Variants in AGBL4 observed in about 807,000 individuals in gnomAD.
The protein encoded by AGBL4 is AGBL carboxypeptidase 4.
A neutral mutation model predicts 66.4 loss-of-function variants in AGBL4; 58 were observed. That is an observed-to-expected ratio of 0.87 (90% CI 0.71 to 1.09). AGBL4 has a LOEUF of 1.09. Among genes scored for constraint, AGBL4 ranks in the 50% least tolerant of loss-of-function variants. AGBL4 has a pLI of 0.00. For synonymous variants in AGBL4, 234 were observed against 222.9 expected, an observed-to-expected ratio of 1.05 and a Z score of -0.44; for missense variants, 579 against 631.0, an observed-to-expected ratio of 0.92 and a Z score of 0.88.
intron 5 of AGBL4, among the ~76,000 whole-genome samples, chr1:48,957,731 T>C (rs1657603365): frequency 6.6e-6 from 1 of 152,200 alleles, no homozygotes; most frequent in African/African-American, 2.4e-5. Flanking sequence ...TAGCTCTGGC[T>C]GATACAGCAT....
intron 4 of AGBL4, among the ~76,000 whole-genome samples, chr1:49,160,416 G>A (rs1175358665): frequency 1.3e-5 from 2 of 152,150 alleles, no homozygotes; most frequent in African/African-American, 2.4e-5. Context: ...AAATATTGCT[G>A]CCTGATCCTT....
chr1:49,856,975 C>A (rs780253220), intron 1 of AGBL4, among the ~76,000 whole-genome samples: 2 of 151,116 alleles, frequency 1.3e-5, no homozygotes, highest in African/African-American at 2.4e-5. Context: ...TTTAGAAAAA[C>A]CTAAAGCTTC....
intron 2 of AGBL4, among the ~76,000 whole-genome samples, chr1:49,711,716 T>C (rs1025749259): frequency 2.6e-5 from 4 of 152,054 alleles, no homozygotes; most frequent in Non-Finnish European, 5.9e-5. Flanking sequence ...AGTTTAATGT[T>C]GTTCAGTTAC....
intron 5 of AGBL4, among the ~76,000 whole-genome samples, chr1:48,985,717 T>C (rs1259229157): frequency 1.3e-5 from 2 of 152,090 alleles, no homozygotes; most frequent in Non-Finnish European, 2.9e-5. Flanking sequence ...CAGAAATGTC[T>C]ACCACTGAAC....
chr1:49,621,319 T>C (rs1034858261), intron 3 of AGBL4, among the ~76,000 whole-genome samples: 1 of 152,190 alleles, frequency 6.6e-6, no homozygotes, highest in Admixed American at 6.5e-5. Context: ...CCGGTTTCCA[T>C]TGGCTGGAAC....
chr1:49,453,539 T>C (rs1338240284), intron 3 of AGBL4, among the ~76,000 whole-genome samples: 5 of 151,700 alleles, frequency 3.3e-5, no homozygotes, highest in East Asian at 1.9e-4. Flanking sequence ...ATAAATACAA[T>C]AGAATCTTTC....
intron 3 of AGBL4, among the ~76,000 whole-genome samples, chr1:49,362,108 A>C (rs1299312313): frequency 6.6e-6 from 1 of 152,210 alleles, no homozygotes; most frequent in Admixed American, 6.5e-5. Flanking sequence ...TCCTGCATCC[A>C]GTCTATCACA....
chr1:49,946,173 T>C lies in AGBL4; in HGVS notation c.34+77590A>G, dbSNP rs12139567. Reference sequence around the variant, plus strand: ...CAAGACAGAAAGTCAACAACAACAATAAAAAAAATTTAAACTACACCCTGG... The same window carrying C: ...CAAGACAGAAAGTCAACAACAACAACAAAAAAAATTTAAACTACACCCTGG... On this transcript the variant is annotated intron_variant, in intron 1 of 13. Coordinates refer to ENST00000371839, the MANE Select transcript of AGBL4 (RefSeq NM_032785.4). Among the ~76,000 whole-genome samples, 887 of 150,992 alleles carry C rather than the reference T, an allele frequency of 5.9e-3. 4 individuals carry two copies. Among genetic ancestry groups the C allele is most frequent in the Middle Eastern group, 0.01 (3 of 292 alleles).
chr1:49,456,874 C>T (rs1464658536), intron 3 of AGBL4, among the ~76,000 whole-genome samples: 1 of 151,710 alleles, frequency 6.6e-6, no homozygotes, highest in Non-Finnish European at 1.5e-5. Context: ...GTCTCCAATT[C>T]CATCTGGTTT....
At chr1:49,654,502 C>G (rs1215989245) in intron 3 of AGBL4, among the ~76,000 whole-genome samples, 1 of 152,132 alleles carries the variant, frequency 6.6e-6, no homozygotes, top group Non-Finnish European at 1.5e-5. Context: ...TCTCGTTGAT[C>G]TGTCTAATGT....
chr1:48,795,284 C>T (rs1230269285), intron 6 of AGBL4, among the ~76,000 whole-genome samples: 1 of 152,140 alleles, frequency 6.6e-6, no homozygotes, highest in Non-Finnish European at 1.5e-5. Flanking sequence ...TAATCCTATA[C>T]AATCTCTACC....
At chr1:49,818,370 G>GT (rs11351923) in intron 2 of AGBL4, among the ~76,000 whole-genome samples, 4,076 of 137,160 alleles carry the variant, frequency 0.03, 129 homozygotes, top group African/African-American at 0.068. Flanking sequence ...TGTTTTTTTT[G>GT]TTTTTTTTTT....
chr1:49,294,031 C>T (rs1300314850), intron 3 of AGBL4, among the ~76,000 whole-genome samples: 1 of 152,106 alleles, frequency 6.6e-6, no homozygotes, highest in African/African-American at 2.4e-5. Context: ...AATAGAAATG[C>T]CAACAGCAGA....
chr1:48,700,573 T>A (rs1210926159), intron 6 of AGBL4, among the ~76,000 whole-genome samples: 1 of 152,208 alleles, frequency 6.6e-6, no homozygotes, highest in African/African-American at 2.4e-5. Context: ...TAGGAGGGCA[T>A]GTGTGGTCTC....
intron 5 of AGBL4, among the ~76,000 whole-genome samples, chr1:48,883,246 G>T (rs895128594): frequency 6.6e-6 from 1 of 152,128 alleles, no homozygotes; most frequent in African/African-American, 2.4e-5. Context: ...GTGTACAAGG[G>T]TTTCCTTTCC....
chr1:49,734,543 A>C (rs1280980634), intron 2 of AGBL4, among the ~76,000 whole-genome samples: 2 of 152,126 alleles, frequency 1.3e-5, no homozygotes, highest in East Asian at 3.8e-4. Context: ...AATTCAATTC[A>C]TAACAGTATC....
intron 3 of AGBL4, among the ~76,000 whole-genome samples, chr1:49,287,549 C>T (rs1381379521): frequency 5.3e-5 from 8 of 151,968 alleles, no homozygotes; most frequent in African/African-American, 1.9e-4. Context: ...AAAAAGTGGG[C>T]AAAGGATATG....
intron 5 of AGBL4, among the ~76,000 whole-genome samples, chr1:48,919,482 T>C (rs534581491): frequency 1.3e-5 from 2 of 152,300 alleles, no homozygotes; most frequent in African/African-American, 4.8e-5. Context: ...GAGATTCTAC[T>C]ATGTTGAATC....
intron 4 of AGBL4, among the ~76,000 whole-genome samples, chr1:49,237,235 C>T (rs1280919108): frequency 6.6e-6 from 1 of 151,434 alleles, no homozygotes; most frequent in Non-Finnish European, 1.5e-5. Flanking sequence ...TGCACTCCAG[C>T]CTGGGCCACA....
Sources: allele counts gnomAD v4.1 joint callset (sites outside exome capture counted in the v4.1 genomes callset), GRCh38; gene constraint gnomAD v4.1.1; transcripts MANE v1.5; gene names NCBI Gene and HGNC (gene_info 2026-07-23, HGNC 2026-07-21).